The following CEMIP variants were observed in gnomAD, a reference collection of about 807,000 sequenced individuals.
CEMIP encodes cell migration-inducing and hyaluronan-binding protein.
A neutral mutation model predicts 156.9 loss-of-function variants in CEMIP; 105 were observed. The ratio of observed to expected loss-of-function variants is 0.67; its 90% CI spans 0.57 to 0.79. The LOEUF (loss-of-function observed/expected upper bound fraction) is 0.79. Among genes scored for constraint, CEMIP ranks in the 30% least tolerant of loss-of-function variants. The probability of loss-of-function intolerance (pLI) is 0.00; values close to 1 mark genes in which losing one functional copy is unlikely to be tolerated. For missense variants in CEMIP, 1,457 were observed against 1,769.4 expected, an observed-to-expected ratio of 0.82 and a Z score of 3.17; for synonymous variants, 676 against 668.4, an observed-to-expected ratio of 1.01 and a Z score of -0.17.
intron 28 of CEMIP, chr15:80,946,649 A>G (rs1236204221): frequency 8.0e-6 from 3 of 373,404 alleles, no homozygotes; most frequent in African/African-American, 4.1e-5. Context: ...GAGCCCTGGC[A>G]TGGTACGCTC....
intron 1 of CEMIP, among the ~76,000 whole-genome samples, chr15:80,796,867 A>T (rs1056284221): frequency 2.6e-5 from 4 of 152,168 alleles, no homozygotes; most frequent in Non-Finnish European, 5.9e-5. Context: ...GAAAAGTGGG[A>T]CCTCATTATT....
chr15:80,916,473 G>C (rs11072957), intron 14 of CEMIP, among the ~76,000 whole-genome samples: 111,328 of 152,154 alleles, frequency 0.73, 44,006 homozygotes, highest in Non-Finnish European at 0.87. Context: ...GCAAGAGAAT[G>C]GGGGGAGAAC....
rs112158092 is a variant in CEMIP at position 80,903,975 on chromosome 15, C to T, written c.1412-2688C>T. Among the ~76,000 whole-genome samples the T allele has an allele frequency of 6.8e-4, 103 of 152,148 alleles. 1 individual carries two copies. Among genetic ancestry groups the T allele is most frequent in the Non-Finnish European group, 2.2e-4 (15 of 68,026 alleles). On this transcript the variant is annotated intron_variant, in intron 12 of 29. Coordinates refer to ENST00000394685, the MANE Select transcript of CEMIP (RefSeq NM_001293298.2). ...TGGCTCTGTGGCCCAAATGAGAAGC[C>T]ATGTTCAGTGGGCTGCCCTGGAGGA...
At chr15:80,918,771 A>G (rs181879373) in intron 14 of CEMIP, among the ~76,000 whole-genome samples, 107 of 152,154 alleles carry the variant, frequency 7.0e-4, no homozygotes, top group Non-Finnish European at 1.3e-3. Flanking sequence ...ATCTCTCTGG[A>G]GTGTCTGAGC....
chr15:80,886,340 G>A (rs755312741), intron 7 of CEMIP, among the ~76,000 whole-genome samples: 6 of 152,158 alleles, frequency 3.9e-5, no homozygotes, highest in Non-Finnish European at 8.8e-5. Flanking sequence ...AAGGACCTTC[G>A]AATCTGTGCC....
chr15:80,937,412 G>T (rs1233043399), intron 24 of CEMIP, among the ~76,000 whole-genome samples: 2 of 152,248 alleles, frequency 1.3e-5, no homozygotes, highest in African/African-American at 4.8e-5. Flanking sequence ...TGTGGGAAAT[G>T]AGACCAAAGC....
intron 1 of CEMIP, among the ~76,000 whole-genome samples, chr15:80,791,454 G>A (rs1453816671): frequency 2.0e-5 from 3 of 152,200 alleles, no homozygotes; most frequent in African/African-American, 7.2e-5. Context: ...TGAATTGTTG[G>A]TACCAGGGTA....
intron 27 of CEMIP, among the ~76,000 whole-genome samples, chr15:80,942,577 T>C (rs1481375716): frequency 6.6e-6 from 1 of 152,168 alleles, no homozygotes; most frequent in East Asian, 1.9e-4. Flanking sequence ...TGTGGGCTTT[T>C]CTCCTGAGTG....
At chr15:80,880,540 A>G (rs1317484753) in intron 5 of CEMIP, among the ~76,000 whole-genome samples, 1 of 152,106 alleles carries the variant, frequency 6.6e-6, no homozygotes, top group Non-Finnish European at 1.5e-5. Context: ...GGTTTAAGCA[A>G]TTCTGGTGCC....
chr15:80,829,189 C>G (rs957289700), intron 1 of CEMIP, among the ~76,000 whole-genome samples: 2 of 152,210 alleles, frequency 1.3e-5, no homozygotes, highest in Non-Finnish European at 2.9e-5. Context: ...CCTTGAAATA[C>G]CTGTCACCGC....
At chr15:80,831,124 G>A (rs932843071) in intron 1 of CEMIP, among the ~76,000 whole-genome samples, 4 of 152,166 alleles carry the variant, frequency 2.6e-5, no homozygotes, top group Non-Finnish European at 4.4e-5. Flanking sequence ...AATTTGGGAG[G>A]TGTGGGAAAC....
chr15:80,869,128 C>A (rs943879490), intron 1 of CEMIP, among the ~76,000 whole-genome samples: 2 of 152,196 alleles, frequency 1.3e-5, no homozygotes, highest in Non-Finnish European at 2.9e-5. Context: ...CCTGTCTCTT[C>A]ACATGGTCTC....
intron 1 of CEMIP, among the ~76,000 whole-genome samples, chr15:80,808,387 G>C (rs567092276): frequency 1.4e-4 from 21 of 152,282 alleles, no homozygotes; most frequent in Non-Finnish European, 3.1e-4. Context: ...CTGCATTCTT[G>C]AGCTGGGAAT....
rs774209975 is a variant in CEMIP at position 80,880,900 on chromosome 15, G to T, written c.381G>T (p.Arg127Ser). The T allele has an allele frequency of 4.3e-6, 7 of 1,613,326 alleles. No individual in the cohort carries two copies. The highest frequency in any genetic ancestry group is 1.7e-5 in the Admixed American group (1 of 59,994). The change falls in exon 6 of 30, where the codon AGG becomes AGT. Residue 127 changes from arginine (R) to serine (S), a missense_variant and splice_region_variant. Physicochemically the swap from Arg to Ser is moderately radical, Grantham distance 110 (BLOSUM62 -1). This residue lies in a region of CEMIP where 309 missense variants were observed against 340.8 expected (regional missense o/e 0.91). Transcript: ENST00000394685. ...TCTGGGGAGCTGTTTTCTCTTGCAG[G>T]GCTGATGAAGGTATTCAGCCGGATC... ...QGNFTIILYG[R>S]ADEGIQPDPY... is the part of the protein sequence containing the mutation.
At chr15:80,879,994 A>G in intron 5 of CEMIP, 140 bp downstream of exon 5, 1 of 941,186 alleles carries the variant, frequency 1.1e-6, no homozygotes, top group Non-Finnish European at 1.7e-6. Context: ...GGGATCATGA[A>G]CAAGACAGAC....
chr15:80,922,115 A>T lies in CEMIP; in HGVS notation c.2180A>T (p.Asn727Ile), dbSNP rs1218062308. 1.9e-6 allele frequency: 3 copies of T among 1,614,280 alleles called. No individual in the cohort carries two copies. The highest frequency in any genetic ancestry group is 2.5e-6 in the Non-Finnish European group (3 of 1,180,048). Residue 727 changes from asparagine to isoleucine, a missense_variant, in exon 17 of 30, where the codon AAC becomes ATC. Around this residue, in one of 5 missense-constraint regions of CEMIP, gnomAD observed 798 missense variants for 980.1 expected, o/e 0.81. Coordinates refer to ENST00000394685, the MANE Select transcript of CEMIP (RefSeq NM_001293298.2). ...EHIPLGKFYN[N>I]RAHSNYRAGM... The stretch of plus-strand genomic sequence containing the variant: ...ATTCCACTGGGAAAATTCTATAACA[A>T]CCGAGCACATTCCAACTACCGGGTA...
rs1900593249 is a variant in CEMIP, at chr15:80,924,684, TTCCTCTC to T, written c.2267_2273del (p.Phe756Ter). ...GGCCTCTGCCAAGGACAAGCGGCCG[TTCCTCTC>T]AATCATCTCTGCCAGGTAATCAGCC... On this transcript the variant is annotated frameshift_variant, in exon 18 of 30. Coordinates refer to ENST00000394685, the MANE Select transcript of CEMIP (RefSeq NM_001293298.2). LOFTEE classifies it high-confidence loss of function. 1.2e-6 allele frequency: 2 copies of T among 1,613,676 alleles called. No homozygotes were observed. The highest frequency in any genetic ancestry group is 2.7e-5 in the African/African-American group (2 of 74,840).
In CEMIP at chr15:80,815,964, G is replaced by A. The variant is rs552705177; in HGVS notation, c.-176+36350G>A. Reference sequence around the variant, plus strand: ...CAAGAATAAATACTTTTCCTGGGATGAGTCCATTACCGGTGCCCTCTTTCC... The same window carrying A: ...CAAGAATAAATACTTTTCCTGGGATAAGTCCATTACCGGTGCCCTCTTTCC... On this transcript the variant is annotated intron_variant, in intron 1 of 29. Coordinates refer to ENST00000394685, the MANE Select transcript of CEMIP (RefSeq NM_001293298.2). Among the ~76,000 whole-genome samples, 6 of 152,318 alleles carry A rather than the reference G, an allele frequency of 3.9e-5. No homozygotes were observed. The East Asian group carries it at 1.2e-3, about 29-fold the overall frequency.
At chr15:80,787,542 G>C (rs943591229) in intron 1 of CEMIP, among the ~76,000 whole-genome samples, 1 of 152,306 alleles carries the variant, frequency 6.6e-6, no homozygotes, top group South Asian at 2.1e-4. Flanking sequence ...AGGCCTTTGC[G>C]TCAGCCCACA....
Sources: gnomAD v4.1 joint callset for allele counts (sites outside exome capture counted in the v4.1 genomes callset) on GRCh38, gnomAD v4.1.1 for gene constraint, gnomAD v4.1.1 regional missense constraint, MANE v1.5 for transcripts, NCBI Gene and HGNC (gene_info 2026-07-23, HGNC 2026-07-21) for gene names.